The following C8orf34 variants were observed in gnomAD, a reference collection of about 807,000 sequenced individuals.
C8orf34 encodes uncharacterized protein C8orf34.
A neutral mutation model predicts 68.3 loss-of-function variants in C8orf34; 65 were observed. The observed-to-expected ratio is 0.95, with a 90% CI of 0.78 to 1.17. The LOEUF (loss-of-function observed/expected upper bound fraction) is 1.17, where lower values mean the gene tolerates loss of function less well. Among genes scored for constraint, C8orf34 ranks in the 50% most tolerant of loss-of-function variants. C8orf34 has a pLI of 0.00. For synonymous variants in C8orf34, 244 were observed against 241.2 expected, an observed-to-expected ratio of 1.01 and a Z score of -0.11; for missense variants, 664 against 655.4, an observed-to-expected ratio of 1.01 and a Z score of -0.14.
intron 10 of C8orf34, among the ~76,000 whole-genome samples, chr8:68,754,169 G>C (rs1822787852): frequency 6.6e-6 from 1 of 152,154 alleles, no homozygotes. Context: ...AAAATGCAGA[G>C]CTACATGGAT....
intron 8 of C8orf34, among the ~76,000 whole-genome samples, chr8:68,678,549 T>C (rs939618319): frequency 1.3e-5 from 2 of 152,096 alleles, no homozygotes; most frequent in African/African-American, 4.8e-5. Context: ...TTCTTCATGA[T>C]AAAAATCCTG....
intron 7 of C8orf34, chr8:68,535,379 T>A (rs1194976323): frequency 1.0e-6 from 1 of 984,636 alleles, no homozygotes; most frequent in African/African-American, 1.7e-5. Flanking sequence ...AAGATATAAC[T>A]GGCTGAAAAA....
chr8:68,543,648 C>G (rs1458010218), intron 7 of C8orf34, among the ~76,000 whole-genome samples: 2 of 152,120 alleles, frequency 1.3e-5, no homozygotes, highest in Non-Finnish European at 2.9e-5. Context: ...AGTCAGATTC[C>G]AAAACCTGCA....
intron 8 of C8orf34, among the ~76,000 whole-genome samples, chr8:68,669,953 A>G (rs1038939903): frequency 3.9e-5 from 6 of 152,150 alleles, no homozygotes; most frequent in African/African-American, 1.4e-4. Flanking sequence ...TGGCTGAATA[A>G]CCTACTCACT....
chr8:68,379,129 AC>A (rs1453813847), intron 1 of C8orf34, among the ~76,000 whole-genome samples: 4 of 152,238 alleles, frequency 2.6e-5, no homozygotes, highest in Non-Finnish European at 5.9e-5. Flanking sequence ...TTAATAAACT[AC>A]ATATATAAAT....
At chr8:68,563,276 G>A (rs778326294) in intron 7 of C8orf34, among the ~76,000 whole-genome samples, 4 of 152,074 alleles carry the variant, frequency 2.6e-5, no homozygotes, top group South Asian at 2.1e-4. Flanking sequence ...TACATGAAGC[G>A]TGTCCTAGGG....
rs183885596 is a variant in C8orf34, at chr8:68,574,842, G to T, written c.1105+41693G>T. On this transcript the variant is annotated intron_variant, in intron 7 of 13. Coordinates refer to ENST00000518698, the MANE Select transcript of C8orf34 (RefSeq NM_052958.4). ...TAATCCAAATTAGTCCACATTGGAAGATTTTCTGTGCTTGCTAGGGCTTTC... is the reference window on the plus strand; with the variant it reads ...TAATCCAAATTAGTCCACATTGGAATATTTTCTGTGCTTGCTAGGGCTTTC... Among the ~76,000 whole-genome samples, 877 of 152,074 alleles carry T rather than the reference G, an allele frequency of 5.8e-3. 17 individuals carry two copies. Among genetic ancestry groups the T allele is most frequent in the African/African-American group, 0.02 (845 of 41,534 alleles).
At chr8:68,373,805 C>T (rs891264101) in intron 1 of C8orf34, among the ~76,000 whole-genome samples, 1 of 151,974 alleles carries the variant, frequency 6.6e-6, no homozygotes, top group African/African-American at 2.4e-5. Flanking sequence ...TATCATATAC[C>T]AAGACTTGGT....
At chr8:68,599,919 G>A (rs1817650248) in intron 7 of C8orf34, among the ~76,000 whole-genome samples, 2 of 151,674 alleles carry the variant, frequency 1.3e-5, no homozygotes, top group African/African-American at 4.8e-5. Context: ...TATGTCAAAA[G>A]AATTTCTAGA....
At chr8:68,747,960 A>G (rs377438773) in intron 10 of C8orf34, among the ~76,000 whole-genome samples, 2 of 151,878 alleles carry the variant, frequency 1.3e-5, no homozygotes, top group Non-Finnish European at 2.9e-5. Context: ...AAAGCTGGAG[A>G]CATCACACTA....
rs4433132 is a variant in C8orf34 at position 68,596,855 on chromosome 8, G to T, written c.1106-43521G>T. 2.1e-3 allele frequency among the ~76,000 whole-genome samples: 317 copies of T among 152,048 alleles called. 1 individual carries two copies. Among genetic ancestry groups the T allele is most frequent in the African/African-American group, 7.5e-3 (310 of 41,478 alleles). On this transcript the variant is annotated intron_variant, in intron 7 of 13. Transcript: ENST00000518698. Reference sequence around the variant, plus strand: ...CATGTAGAGATAGTCCAGAACAAAAGGCTGACAAGGCATGCAGAAACACAA... The same window carrying T: ...CATGTAGAGATAGTCCAGAACAAAATGCTGACAAGGCATGCAGAAACACAA...
chr8:68,459,234 T>C (rs1364006764), intron 3 of C8orf34, among the ~76,000 whole-genome samples: 1 of 152,120 alleles, frequency 6.6e-6, no homozygotes, highest in Non-Finnish European at 1.5e-5. Flanking sequence ...ATTTTCTTTT[T>C]TTCTTTTTTT....
intron 1 of C8orf34, among the ~76,000 whole-genome samples, chr8:68,376,370 C>T (rs1483306353): frequency 6.6e-6 from 1 of 152,026 alleles, no homozygotes; most frequent in East Asian, 1.9e-4. Flanking sequence ...GGAAGCTGAG[C>T]ACAGGATTTG....
intron 7 of C8orf34, among the ~76,000 whole-genome samples, chr8:68,633,478 G>T (rs532134636): frequency 5.3e-5 from 8 of 152,106 alleles, no homozygotes; most frequent in Non-Finnish European, 1.2e-4. Flanking sequence ...CAATTTCAAA[G>T]CATCAAAATA....
At chr8:68,470,485 A>G (rs1171124857) in intron 4 of C8orf34, among the ~76,000 whole-genome samples, 1 of 152,106 alleles carries the variant, frequency 6.6e-6, no homozygotes, top group Non-Finnish European at 1.5e-5. Flanking sequence ...CTGCATTTCA[A>G]TTATGTAGTT....
At chr8:68,435,057 A>T (rs1244911917) in intron 1 of C8orf34, among the ~76,000 whole-genome samples, 1 of 151,386 alleles carries the variant, frequency 6.6e-6, no homozygotes, top group Non-Finnish European at 1.5e-5. Context: ...CTCAAAAAAA[A>T]AAAAAAGAGA....
intron 1 of C8orf34, among the ~76,000 whole-genome samples, chr8:68,374,264 A>G (rs1445444219): frequency 6.6e-6 from 1 of 151,964 alleles, no homozygotes; most frequent in Non-Finnish European, 1.5e-5. Flanking sequence ...TTTAATGTGA[A>G]GCTTATATTA....
chr8:68,777,659 A>G (rs1428940082), intron 11 of C8orf34, among the ~76,000 whole-genome samples: 1 of 152,224 alleles, frequency 6.6e-6, no homozygotes, highest in Non-Finnish European at 1.5e-5. Context: ...TTTGATTTAT[A>G]TGCATCTTAA....
intron 8 of C8orf34, among the ~76,000 whole-genome samples, chr8:68,642,649 AG>A (rs1585661178): frequency 6.6e-6 from 1 of 152,184 alleles, no homozygotes; most frequent in East Asian, 1.9e-4. Flanking sequence ...ATATTATGTA[AG>A]AGGAAACTGA....
Sources: allele counts gnomAD v4.1 joint callset (sites outside exome capture counted in the v4.1 genomes callset), GRCh38; gene constraint gnomAD v4.1.1; transcripts MANE v1.5; gene names NCBI Gene and HGNC (gene_info 2026-07-23, HGNC 2026-07-21).